Variants in ATP1B1 observed in about 807,000 individuals in gnomAD.
The protein encoded by ATP1B1 is ATPase Na+/K+ transporting subunit beta 1, also known as sodium/potassium-transporting ATPase subunit beta-1.
In ATP1B1, 3 loss-of-function variants were observed where a neutral mutation model predicts 39.6. That is an observed-to-expected ratio of 0.08 (90% CI 0.03 to 0.20). The LOEUF is 0.20. Among genes scored for constraint, ATP1B1 ranks in the 10% least tolerant of loss-of-function variants. The probability of loss-of-function intolerance (pLI) is 1.00; values close to 1 mark genes in which losing one functional copy is unlikely to be tolerated. For missense variants in ATP1B1, 216 were observed against 371.1 expected (o/e 0.58, Z 3.43); for synonymous variants, 139 against 135.0 (o/e 1.03, Z -0.20).
At chr1:169,128,163 G>C (rs1195924043) in intron 4 of ATP1B1, among the ~76,000 whole-genome samples, 1 of 152,124 alleles carries the variant, frequency 6.6e-6, no homozygotes, top group Non-Finnish European at 1.5e-5. Context: ...AATTAATGCT[G>C]TCCTTTCCCC....
intron 3 of ATP1B1, among the ~76,000 whole-genome samples, chr1:169,126,137 T>C (rs1658080580): frequency 6.6e-6 from 1 of 152,210 alleles, no homozygotes; most frequent in African/African-American, 2.4e-5. Flanking sequence ...TAAGTTATTT[T>C]GGAAATATTT....
intron 2 of ATP1B1, among the ~76,000 whole-genome samples, chr1:169,120,600 T>C (rs1334834784): frequency 6.6e-6 from 1 of 152,232 alleles, no homozygotes; most frequent in Non-Finnish European, 1.5e-5. Context: ...GTCTTATGTT[T>C]CACCCCTTGC....
intron 2 of ATP1B1, among the ~76,000 whole-genome samples, chr1:169,122,705 C>T (rs1658003791): frequency 6.7e-6 from 1 of 149,888 alleles, no homozygotes; most frequent in African/African-American, 2.5e-5. Context: ...AATTTTTGTC[C>T]CCCATAATTC....
At chr1:169,110,567 CTTTTTT>C (rs11423213) in intron 1 of ATP1B1, 386 of 433,796 alleles carry the variant, frequency 8.9e-4, no homozygotes, top group South Asian at 1.2e-3. Context: ...TGTGTTGAGT[CTTTTTT>C]TTTTTTTTTT....
chr1:169,109,890 T>C (rs1003773558), intron 1 of ATP1B1, among the ~76,000 whole-genome samples: 4 of 152,060 alleles, frequency 2.6e-5, no homozygotes, highest in Non-Finnish European at 1.5e-5. Context: ...TCCAGATCTC[T>C]TGACGTCACA....
intron 2 of ATP1B1, among the ~76,000 whole-genome samples, chr1:169,122,147 T>C (rs1038967280): frequency 6.6e-6 from 1 of 152,172 alleles, no homozygotes; most frequent in Non-Finnish European, 1.5e-5. Context: ...GCACAGGCAT[T>C]TGTCTCTCTC....
intron 4 of ATP1B1, among the ~76,000 whole-genome samples, chr1:169,127,999 TATA>T (rs1430586307): frequency 6.6e-6 from 1 of 152,214 alleles, no homozygotes; most frequent in Non-Finnish European, 1.5e-5. Flanking sequence ...TACTGCAACT[TATA>T]ATGGATAAAC....
chr1:169,111,184 AGG>A (rs1170299321), intron 1 of ATP1B1, among the ~76,000 whole-genome samples, 184 bp from the exon 2 acceptor site: 1 of 152,182 alleles, frequency 6.6e-6, no homozygotes, highest in African/African-American at 2.4e-5. Flanking sequence ...CTGCAAGTGG[AGG>A]GCTGCCCAGC....
Position 169,132,546 on chromosome 1 carries a change from T to A in ATP1B1, c.*991T>A, listed in dbSNP as rs1658260641. 2.3e-6 allele frequency: 1 copy of A among 432,112 alleles called. No individual in the cohort carries two copies. The highest frequency in any genetic ancestry group is 3.5e-5 in the East Asian group (1 of 28,600). 26.8% of individuals were successfully genotyped at this position (432,112 alleles called of 1,614,324 possible). ...CCAAAGTCACTTGTTTGAAAATAAA[T>A]CTTTATTTTGAACTTTATAAAAAGC... On this transcript the variant is annotated 3_prime_UTR_variant, in exon 6 of 6. Transcript: ENST00000367815.
chr1:169,106,729 A>G lies in ATP1B1; in HGVS notation c.-101A>G. ...AGCGGCAGCGGCGCGTCCTGCCTGC[A>G]GAGAGCCAGGCCGGAGAAGCCGAGC... On this transcript the variant is annotated 5_prime_UTR_variant, in exon 1 of 6. Transcript: ENST00000367815. 1 of 916,332 alleles carries G rather than the reference A, an allele frequency of 1.1e-6. No individual in the cohort carries two copies. The highest frequency in any genetic ancestry group is 1.6e-6 in the Non-Finnish European group (1 of 642,334). 56.8% of individuals were successfully genotyped at this position (916,332 alleles called of 1,614,324 possible).
intron 5 of ATP1B1, among the ~76,000 whole-genome samples, 163 bp downstream of exon 5, chr1:169,130,253 TA>T (rs1658179067): frequency 6.6e-6 from 1 of 152,214 alleles, no homozygotes; most frequent in African/African-American, 2.4e-5. Flanking sequence ...CTATACTAGG[TA>T]AAACTTTTTA....
intron 3 of ATP1B1, 106 bp downstream of exon 3, chr1:169,125,145 T>G (rs897990101): frequency 1.4e-6 from 2 of 1,384,978 alleles, no homozygotes; most frequent in African/African-American, 1.5e-5. Context: ...CCTGAAATAA[T>G]GAAAGATTGA....
At chr1:169,107,054 G>A (rs1178101547) in intron 1 of ATP1B1, 128 bp downstream of exon 1, 10 of 856,640 alleles carry the variant, frequency 1.2e-5, no homozygotes, top group Non-Finnish European at 1.7e-5. Flanking sequence ...CGAGGGTGGT[G>A]GACGCTGCTG....
chr1:169,109,902 C>T (rs894825810), intron 1 of ATP1B1, among the ~76,000 whole-genome samples: 5 of 151,998 alleles, frequency 3.3e-5, no homozygotes, highest in African/African-American at 9.7e-5. Flanking sequence ...GACGTCACAG[C>T]GTTGCCATTT....
chr1:169,126,291 G>A (rs571680132), intron 3 of ATP1B1, among the ~76,000 whole-genome samples: 12 of 152,068 alleles, frequency 7.9e-5, no homozygotes, highest in Admixed American at 1.3e-4. Flanking sequence ...CAGACTCTTC[G>A]CTATTTGAAG....
At chr1:169,128,542 T>C (rs1350167708) in intron 4 of ATP1B1, among the ~76,000 whole-genome samples, 1 of 152,228 alleles carries the variant, frequency 6.6e-6, no homozygotes, top group African/African-American at 2.4e-5. Flanking sequence ...GAAATTAATG[T>C]ACCTCTCAAA....
chr1:169,121,707 C>A lies in ATP1B1; in HGVS notation c.227-3177C>A, dbSNP rs568989959. ...AGAACAAGGATGTTTGTGACACTTG[C>A]TTCGCAATCCAGGTTTTACCATGTT... On this transcript the variant is annotated intron_variant, in intron 2 of 5. Coordinates refer to ENST00000367815, the MANE Select transcript of ATP1B1 (RefSeq NM_001677.4). 2.2e-4 allele frequency among the ~76,000 whole-genome samples: 34 copies of A among 152,314 alleles called. 1 individual carries two copies. The South Asian group carries it at 7.0e-3, about 32-fold the overall frequency.
intron 2 of ATP1B1, among the ~76,000 whole-genome samples, chr1:169,123,063 G>A (rs1472903160): frequency 6.6e-6 from 1 of 152,084 alleles, no homozygotes; most frequent in African/African-American, 2.4e-5. Flanking sequence ...CACTTTTAAA[G>A]CATCCTCAAT....
intron 2 of ATP1B1, among the ~76,000 whole-genome samples, chr1:169,116,984 C>T (rs1239524923): frequency 6.6e-6 from 1 of 152,126 alleles, no homozygotes; most frequent in Non-Finnish European, 1.5e-5. Context: ...AATTTTTCCA[C>T]CCCCCGCAAA....
Sources: gnomAD v4.1 joint callset for allele counts (sites outside exome capture counted in the v4.1 genomes callset) on GRCh38, gnomAD v4.1.1 for gene constraint, MANE v1.5 for transcripts, NCBI Gene and HGNC (gene_info 2026-07-23, HGNC 2026-07-21) for gene names.